Variants in CNTNAP5 observed in about 807,000 individuals in gnomAD.
The protein encoded by CNTNAP5 is contactin-associated protein-like 5.
Under a neutral mutation model 150.2 loss-of-function variants are expected in CNTNAP5, and 72 were observed. The observed-to-expected ratio is 0.48, with a 90% CI of 0.40 to 0.58. The LOEUF is 0.58. Among genes scored for constraint, CNTNAP5 ranks in the 20% least tolerant of loss-of-function variants. The pLI, the probability that CNTNAP5 is intolerant of heterozygous loss-of-function variation, is 0.00. For synonymous variants in CNTNAP5, 672 were observed against 619.8 expected (o/e 1.08, Z -1.25); for missense variants, 1,636 against 1,626.2 (o/e 1.01, Z -0.10).
chr2:124,740,862 T>G (rs948340157), intron 13 of CNTNAP5, among the ~76,000 whole-genome samples: 1 of 151,934 alleles, frequency 6.6e-6, no homozygotes, highest in African/African-American at 2.4e-5. Flanking sequence ...GTTCCCAGGG[T>G]CATGTCAAGG....
At chr2:124,857,173 C>T (rs924743651) in intron 19 of CNTNAP5, among the ~76,000 whole-genome samples, 2 of 152,122 alleles carry the variant, frequency 1.3e-5, no homozygotes, top group African/African-American at 4.8e-5. Context: ...ATAAGTACCC[C>T]TCCCACTTCA....
intron 1 of CNTNAP5, among the ~76,000 whole-genome samples, chr2:124,114,657 T>C (rs1444328123): frequency 2.6e-5 from 4 of 151,822 alleles, no homozygotes; most frequent in African/African-American, 7.2e-5. Context: ...CAATGCTCAG[T>C]AGAAGTAAGA....
chr2:124,792,495 T>C (rs947235521), intron 18 of CNTNAP5, among the ~76,000 whole-genome samples: 2 of 152,180 alleles, frequency 1.3e-5, no homozygotes, highest in Non-Finnish European at 2.9e-5. Context: ...AGCTTTTGTT[T>C]TGTGTATTTT....
chr2:124,477,898 G>T (rs1693679711), intron 7 of CNTNAP5, among the ~76,000 whole-genome samples: 1 of 151,932 alleles, frequency 6.6e-6, no homozygotes, highest in African/African-American at 2.4e-5. Context: ...CTACCATTTT[G>T]CTAAGATGTG....
chr2:124,772,846 G>A lies in CNTNAP5; in HGVS notation c.2581G>A (p.Glu861Lys), dbSNP rs1558769613. Residue 861 changes from glutamate to lysine, a missense_variant, in exon 17 of 24, where the codon GAG (glutamate) becomes AAG (lysine). Coordinates refer to ENST00000682447, the MANE Select transcript of CNTNAP5 (RefSeq NM_001367498.1). ...CATCGATGTTGGGAATGGTCCTGTG[G>A]AGCTTGTAGTCCAGTCTCCTTCTCT... is the stretch of plus-strand genomic sequence containing the variant. ...FAIDVGNGPV[E>K]LVVQSPSLLN... The A allele has an allele frequency of 6.2e-7, 1 of 1,613,720 alleles. No homozygotes were observed. The highest frequency in any genetic ancestry group is 8.5e-7 in the Non-Finnish European group (1 of 1,179,736).
At chr2:124,149,471 C>T (rs1463537144) in intron 1 of CNTNAP5, among the ~76,000 whole-genome samples, 2 of 145,498 alleles carry the variant, frequency 1.4e-5, no homozygotes, top group African/African-American at 5.1e-5. Context: ...GAAATGGGGG[C>T]TAATATCACA....
intron 1 of CNTNAP5, among the ~76,000 whole-genome samples, chr2:124,045,543 C>T (rs527778544): frequency 2.0e-5 from 3 of 151,928 alleles, no homozygotes; most frequent in East Asian, 3.9e-4. Context: ...AAGATCCACC[C>T]GACTTGGCCT....
intron 7 of CNTNAP5, among the ~76,000 whole-genome samples, chr2:124,499,430 C>A (rs1694227621): frequency 6.6e-6 from 1 of 152,180 alleles, no homozygotes; most frequent in Non-Finnish European, 1.5e-5. Context: ...AGAAGGCTTG[C>A]TGGGCCCTGC....
chr2:124,407,788 T>C (rs910572220), intron 3 of CNTNAP5, among the ~76,000 whole-genome samples: 4 of 152,232 alleles, frequency 2.6e-5, no homozygotes, highest in African/African-American at 9.6e-5. Flanking sequence ...CTTCCCTACT[T>C]AATTACATTT....
At chr2:124,108,368 C>T (rs963375588) in intron 1 of CNTNAP5, among the ~76,000 whole-genome samples, 3 of 152,082 alleles carry the variant, frequency 2.0e-5, no homozygotes, top group African/African-American at 7.2e-5. Context: ...TCAGTGTTTA[C>T]CTTTGTAATA....
chr2:124,805,007 G>A (rs1226206029), intron 19 of CNTNAP5, among the ~76,000 whole-genome samples: 1 of 149,372 alleles, frequency 6.7e-6, no homozygotes, highest in Non-Finnish European at 1.5e-5. Flanking sequence ...CTCTTTGTAT[G>A]AAATACTCTT....
intron 6 of CNTNAP5, among the ~76,000 whole-genome samples, chr2:124,449,459 G>A (rs1253644453): frequency 2.0e-5 from 3 of 152,128 alleles, no homozygotes; most frequent in African/African-American, 7.2e-5. Context: ...TGTCCCAGAA[G>A]ATGGTTCTAA....
intron 20 of CNTNAP5, among the ~76,000 whole-genome samples, chr2:124,866,477 C>T (rs1309269496): frequency 6.6e-6 from 1 of 152,088 alleles, no homozygotes; most frequent in African/African-American, 2.4e-5. Flanking sequence ...ACAGGTGATA[C>T]TGAAGAGGGT....
chr2:124,394,395 A>G (rs1691195423), intron 3 of CNTNAP5, among the ~76,000 whole-genome samples: 1 of 151,736 alleles, frequency 6.6e-6, no homozygotes, highest in African/African-American at 2.4e-5. Context: ...AAAAGAAAAG[A>G]AAAAAGGTAA....
At chr2:124,898,362 TA>T (rs1363014581) in intron 21 of CNTNAP5, among the ~76,000 whole-genome samples, 2 of 151,418 alleles carry the variant, frequency 1.3e-5, no homozygotes, top group East Asian at 1.9e-4. Flanking sequence ...TTCTTTCATA[TA>T]AAAAAACACA....
chr2:124,171,524 T>A (rs1684930830), intron 1 of CNTNAP5, among the ~76,000 whole-genome samples: 1 of 151,966 alleles, frequency 6.6e-6, no homozygotes. Flanking sequence ...ATCACCAGAG[T>A]CCTTGGGGTC....
intron 6 of CNTNAP5, among the ~76,000 whole-genome samples, chr2:124,447,596 G>A (rs1692852605): frequency 2.0e-5 from 3 of 152,224 alleles, no homozygotes; most frequent in East Asian, 1.9e-4. Flanking sequence ...CTGAGTTGGA[G>A]AAACTGAGAT....
chr2:124,042,815 T>C (rs1241491177), intron 1 of CNTNAP5, among the ~76,000 whole-genome samples: 1 of 151,198 alleles, frequency 6.6e-6, no homozygotes, highest in Non-Finnish European at 1.5e-5. Flanking sequence ...TCTATCTATC[T>C]ATCTATCTAT....
At chr2:124,406,267 A>G (rs1438188443) in intron 3 of CNTNAP5, among the ~76,000 whole-genome samples, 1 of 152,214 alleles carries the variant, frequency 6.6e-6, no homozygotes, top group Non-Finnish European at 1.5e-5. Flanking sequence ...TGTGGACTTT[A>G]AACTAATGTA....
Sources: gnomAD v4.1 joint callset for allele counts (sites outside exome capture counted in the v4.1 genomes callset) on GRCh38, gnomAD v4.1.1 for gene constraint, MANE v1.5 for transcripts, NCBI Gene and HGNC (gene_info 2026-07-23, HGNC 2026-07-21) for gene names.